The following TNC variants were observed in gnomAD, a reference collection of about 807,000 sequenced individuals.
The protein encoded by TNC is tenascin.
A neutral mutation model predicts 202.4 loss-of-function variants in TNC; 109 were observed. The ratio of observed to expected loss-of-function variants is 0.54; its 90% confidence interval spans 0.46 to 0.63. The LOEUF (loss-of-function observed/expected upper bound fraction) is 0.63. Ranked by LOEUF, TNC falls within the 30% of genes least tolerant of loss-of-function variation. The pLI is 0.00. For missense variants in TNC, 2,756 were observed against 2,833.3 expected (o/e 0.97, Z 0.62); for synonymous variants, 1,007 against 1,089.7 (o/e 0.92, Z 1.50).
chr9:115,087,930 C>A (rs1234754962), intron 2 of TNC, among the ~76,000 whole-genome samples: 2 of 152,006 alleles, frequency 1.3e-5, no homozygotes, highest in Non-Finnish European at 2.9e-5. Context: ...GTCTCAATAT[C>A]CTGACCTCGT....
intron 10 of TNC, among the ~76,000 whole-genome samples, chr9:115,066,135 C>G (rs1449460925): frequency 6.6e-6 from 1 of 151,996 alleles, no homozygotes; most frequent in Non-Finnish European, 1.5e-5. Flanking sequence ...GAAAGAGGTC[C>G]TGGGAGAAGC....
chr9:115,039,588 G>T (rs1434830193), intron 19 of TNC, among the ~76,000 whole-genome samples: 1 of 152,158 alleles, frequency 6.6e-6, no homozygotes, highest in Non-Finnish European at 1.5e-5. Context: ...CTACTCAATT[G>T]TGCCCATGCC....
rs1394233599 is a variant in TNC at position 115,048,534 on chromosome 9, T to C, written c.4580-2A>G. The C allele has an allele frequency of 6.2e-7, 1 of 1,608,944 alleles. No individual in the cohort carries two copies. Among genetic ancestry groups the C allele is most frequent in the South Asian group, 1.1e-5 (1 of 90,902 alleles). The stretch of plus-strand genomic sequence containing the variant: ...GGTTTTCCAGAAGGGGCAGGGCCTC[T>C]GAAAGAAGGGAGGAGTGAAAATAAC... On this transcript the variant is annotated splice_acceptor_variant, in intron 15 of 27. Coordinates refer to ENST00000350763, the MANE Select transcript of TNC (RefSeq NM_002160.4). LOFTEE classifies it high-confidence loss of function.
At chr9:115,029,035 G>GAAAAA (rs71375266) in intron 25 of TNC, among the ~76,000 whole-genome samples, 1 of 71,214 alleles carries the variant, frequency 1.4e-5, no homozygotes, top group African/African-American at 5.3e-5. Flanking sequence ...ATTATCTCTG[G>GAAAAA]AAAAAAAAAA....
intron 3 of TNC, among the ~76,000 whole-genome samples, chr9:115,084,702 C>A (rs1253559404): frequency 6.6e-6 from 1 of 152,094 alleles, no homozygotes; most frequent in Non-Finnish European, 1.5e-5. Context: ...AGCAGTGTGC[C>A]CTTGGGTGTT....
At chr9:115,113,430 A>AT (rs1361904956) in intron 1 of TNC, among the ~76,000 whole-genome samples, 1 of 152,260 alleles carries the variant, frequency 6.6e-6, no homozygotes, top group African/African-American at 2.4e-5. Flanking sequence ...ACTAAATGGC[A>AT]TGATGCCTAT....
rs759144004 is a variant in TNC at position 115,063,147 on chromosome 9, C to T, written c.3803G>A (p.Ser1268Asn). The change falls in exon 13 of 28, where the codon AGC (serine) becomes AAC (asparagine). Residue 1268 changes from serine (S) to asparagine (N), a missense_variant. Physicochemically the swap from Ser to Asn is conservative, Grantham distance 46. Around this residue, in one of 2 missense-constraint regions of TNC, gnomAD observed 2,559 missense variants for 2,546.0 expected, o/e 1.01. Coordinates refer to ENST00000350763, the MANE Select transcript of TNC (RefSeq NM_002160.4). The stretch of plus-strand genomic sequence containing the variant: ...CCAGTTCAGTCTGAGAGCATCCCAG[C>T]TAACCTCGGTCACTGTGAGGTTTCC... ...DMGNLTVTEVSWDALRLNWTT... is the reference protein window; with the variant it reads ...DMGNLTVTEVNWDALRLNWTT... The T allele has an allele frequency of 6.2e-7, 1 of 1,614,210 alleles. No homozygotes were observed. The highest frequency in any genetic ancestry group is 2.2e-5 in the East Asian group (1 of 44,880).
In TNC at chr9:115,086,418, C is replaced by T. The variant is rs763289734; in HGVS notation, c.1313G>A (p.Arg438Gln). 1.7e-4 allele frequency: 281 copies of T among 1,613,632 alleles called. No homozygotes were observed. The highest frequency in any genetic ancestry group is 2.1e-4 in the Non-Finnish European group (253 of 1,179,936). Reference protein sequence around the residue: ...GYTGEDCSQLRCPNDCHSRGR... With the variant: ...GYTGEDCSQLQCPNDCHSRGR... ...CCGACTGTGACAGTCATTGGGGCAC[C>T]GTAGCTGGCTGCAGTCCTCCCCAGT... The change falls in exon 3 of 28, where the codon CGG (arginine) becomes CAG (glutamine). Residue 438 changes from arginine to glutamine, a missense_variant. By Grantham distance (43) the Arg-to-Gln change is conservative. Coordinates refer to ENST00000350763, the MANE Select transcript of TNC (RefSeq NM_002160.4).
chr9:115,060,151 G>A (rs1832439498), intron 13 of TNC, 149 bp from the exon 14 acceptor site: 3 of 864,844 alleles, frequency 3.5e-6, no homozygotes, highest in Non-Finnish European at 3.4e-6. Flanking sequence ...AATTTGAACT[G>A]TGGTTCCCTG....
At chr9:115,059,435 G>T (rs1832377027) in intron 14 of TNC, among the ~76,000 whole-genome samples, 1 of 152,278 alleles carries the variant, frequency 6.6e-6, no homozygotes, top group Non-Finnish European at 1.5e-5. Context: ...CCATCAGGCT[G>T]ATTCCTGAAA....
At chr9:115,112,054 A>G (rs541721772) in intron 1 of TNC, among the ~76,000 whole-genome samples, 4 of 152,324 alleles carry the variant, frequency 2.6e-5, no homozygotes, top group Non-Finnish European at 4.4e-5. Flanking sequence ...GCAGTAATAG[A>G]TAATGAATAC....
At chr9:115,100,460 A>G (rs890158341) in intron 1 of TNC, among the ~76,000 whole-genome samples, 1 of 152,246 alleles carries the variant, frequency 6.6e-6, no homozygotes, top group African/African-American at 2.4e-5. Context: ...CTTATTTGCC[A>G]TAATACCTAG....
intron 17 of TNC, among the ~76,000 whole-genome samples, chr9:115,042,748 A>G (rs2132010763): frequency 6.6e-6 from 1 of 152,344 alleles, no homozygotes; most frequent in African/African-American, 2.4e-5. Flanking sequence ...TTTGCAATTT[A>G]TAAGGCTTAA....
At chr9:115,117,813 A>C (rs763796797) in intron 1 of TNC, among the ~76,000 whole-genome samples, 169 bp downstream of exon 1, 5 of 152,144 alleles carry the variant, frequency 3.3e-5, no homozygotes, top group African/African-American at 4.8e-5. Flanking sequence ...AGACCAGAAA[A>C]GTCAAGGTGC....
intron 17 of TNC, among the ~76,000 whole-genome samples, chr9:115,045,429 C>T (rs113915868): frequency 0.051 from 7,796 of 152,060 alleles, 271 homozygotes; most frequent in East Asian, 0.11. Flanking sequence ...TGCAGTGGCA[C>T]GAACACAGCT....
chr9:115,077,025 G>A (rs1833913919), intron 7 of TNC, among the ~76,000 whole-genome samples: 1 of 151,678 alleles, frequency 6.6e-6, no homozygotes, highest in South Asian at 2.1e-4. Flanking sequence ...AGCCTCCCGA[G>A]TACCTGGGAT....
Position 115,038,242 on chromosome 9 carries a change from G to C in TNC, c.5512+19C>G, listed in dbSNP as rs1186636741. 4 of 1,612,114 alleles carry C rather than the reference G, an allele frequency of 2.5e-6. No individual in the cohort carries two copies. The highest frequency in any genetic ancestry group is 3.4e-6 in the Non-Finnish European group (4 of 1,178,672). On this transcript the variant is annotated intron_variant, in intron 20 of 27. Transcript: ENST00000350763. The stretch of plus-strand genomic sequence containing the variant: ...AAAGACACTCCTTAGAGTGAGGAGA[G>C]ACTTGGACAAAACCTTACCTTTCTC...
chr9:115,084,593 TA>T (rs1834567594), intron 3 of TNC, 121 bp from the exon 4 acceptor site: 1 of 1,227,580 alleles, frequency 8.1e-7, no homozygotes, highest in African/African-American at 1.5e-5. Context: ...CTGTTGCCTC[TA>T]AAATGCAGAT....
At chr9:115,030,047 G>A (rs755522614) in intron 24 of TNC, among the ~76,000 whole-genome samples, 15 of 152,148 alleles carry the variant, frequency 9.9e-5, no homozygotes, top group Middle Eastern at 3.2e-3. Context: ...TTATCTCCCC[G>A]TTTCAAAAAG....
Sources: allele counts gnomAD v4.1 joint callset (sites outside exome capture counted in the v4.1 genomes callset), GRCh38; gene constraint gnomAD v4.1.1; regional missense constraint gnomAD v4.1.1; transcripts MANE v1.5; gene names NCBI Gene and HGNC (gene_info 2026-07-23, HGNC 2026-07-21).